The following CATSPERT variants were observed in gnomAD, a reference collection of about 807,000 sequenced individuals.
CATSPERT encodes the protein catsper channel auxiliary subunit tau.
the CATSPERT span, among the ~76,000 whole-genome samples, chr2:201,541,798 G>C: frequency 6.6e-6 from 1 of 151,850 alleles, no homozygotes; most frequent in Non-Finnish European, 1.5e-5. Context: ...GTTTCACCAT[G>C]TTGGCCAGGC....
chr2:201,551,757 T>A, the CATSPERT span, among the ~76,000 whole-genome samples: 2 of 151,842 alleles, frequency 1.3e-5, no homozygotes, highest in Non-Finnish European at 2.9e-5. Flanking sequence ...ATACAAAAAA[T>A]ATTAGCCGGG....
the CATSPERT span, among the ~76,000 whole-genome samples, chr2:201,573,427 C>T: frequency 6.6e-6 from 1 of 152,124 alleles, no homozygotes; most frequent in African/African-American, 2.4e-5. Flanking sequence ...AGATCAATTA[C>T]TCCATTTTGT....
the CATSPERT span, among the ~76,000 whole-genome samples, chr2:201,551,891 A>G: frequency 6.6e-6 from 1 of 151,550 alleles, no homozygotes; most frequent in African/African-American, 2.4e-5. Context: ...CTGGCCAACA[A>G]GAGGGAAACT....
the CATSPERT span, among the ~76,000 whole-genome samples, chr2:201,613,170 A>C: frequency 6.6e-6 from 1 of 152,246 alleles, no homozygotes; most frequent in African/African-American, 2.4e-5. Flanking sequence ...CTACAGACTT[A>C]AACATCCCTG....
At chr2:201,576,205 C>T in the CATSPERT span, among the ~76,000 whole-genome samples, 2 of 152,100 alleles carry the variant, frequency 1.3e-5, no homozygotes, top group African/African-American at 4.8e-5. Context: ...TTTTATATTT[C>T]GTAGGGCACT....
At chr2:201,551,392 C>A in the CATSPERT span, among the ~76,000 whole-genome samples, 1 of 152,058 alleles carries the variant, frequency 6.6e-6, no homozygotes, top group African/African-American at 2.4e-5. Context: ...TCTATTTTAT[C>A]ATTTACTACC....
At chr2:201,560,787 CTTT>C in the CATSPERT span, among the ~76,000 whole-genome samples, 1 of 145,020 alleles carries the variant, frequency 6.9e-6, no homozygotes. Flanking sequence ...TGAAATCTCT[CTTT>C]TTTTTTTTTT....
chr2:201,534,125 G>A, the CATSPERT span, among the ~76,000 whole-genome samples: 4 of 151,662 alleles, frequency 2.6e-5, no homozygotes, highest in African/African-American at 9.7e-5. Flanking sequence ...ACAGAAAGAA[G>A]GAAACAGACA....
At chr2:201,559,265 G>C in the CATSPERT span, among the ~76,000 whole-genome samples, 1 of 152,150 alleles carries the variant, frequency 6.6e-6, no homozygotes, top group African/African-American at 2.4e-5. Flanking sequence ...CCATGTCCAG[G>C]ACCTGAGAAA....
At chr2:201,535,724 C>T in the CATSPERT span, 1 of 1,330,858 alleles carries the variant, frequency 7.5e-7, no homozygotes, top group Non-Finnish European at 9.6e-7. Flanking sequence ...TACTTAGACA[C>T]ATTTCCACTT....
the CATSPERT span, chr2:201,603,376 C>G: frequency 2.1e-6 from 2 of 963,110 alleles, no homozygotes; most frequent in African/African-American, 3.4e-5. Context: ...TAAAACTCCA[C>G]GTTGTTGGTT....
At chr2:201,523,710 G>A in the CATSPERT span, among the ~76,000 whole-genome samples, 7 of 152,162 alleles carry the variant, frequency 4.6e-5, no homozygotes, top group Non-Finnish European at 8.8e-5. Flanking sequence ...CAAGATTCAG[G>A]AGAAAGTTGA....
At chr2:201,587,294 T>C in the CATSPERT span, among the ~76,000 whole-genome samples, 1 of 152,188 alleles carries the variant, frequency 6.6e-6, no homozygotes, top group African/African-American at 2.4e-5. Flanking sequence ...TTACCATTTC[T>C]AGTGCTCTTC....
chr2:201,493,552 A>G, the CATSPERT span: 4 of 1,536,942 alleles, frequency 2.6e-6, no homozygotes, highest in Non-Finnish European at 3.5e-6. Flanking sequence ...AAATGCTTGT[A>G]TTATCTGGCT....
At chr2:201,561,669 C>T in the CATSPERT span, among the ~76,000 whole-genome samples, 4 of 152,100 alleles carry the variant, frequency 2.6e-5, no homozygotes, top group Non-Finnish European at 5.9e-5. Flanking sequence ...GTCAGAAGTT[C>T]GAGACCAGCC....
chr2:201,592,602 A>G, the CATSPERT span, among the ~76,000 whole-genome samples: 5 of 150,820 alleles, frequency 3.3e-5, no homozygotes, highest in Non-Finnish European at 7.4e-5. Flanking sequence ...CTGTGAATCC[A>G]TCTGGTCCTG....
the CATSPERT span, among the ~76,000 whole-genome samples, chr2:201,516,946 T>TC: frequency 7.8e-6 from 1 of 128,698 alleles, no homozygotes. Flanking sequence ...TTTTTTTTTT[T>TC]CTATTTCACC....
At chr2:201,559,510 C>T in the CATSPERT span, among the ~76,000 whole-genome samples, 1 of 152,196 alleles carries the variant, frequency 6.6e-6, no homozygotes, top group Non-Finnish European at 1.5e-5. Context: ...GAAACAGCCC[C>T]ACAAGTTGCT....
chr2:201,560,423 A>AAAT, the CATSPERT span, among the ~76,000 whole-genome samples: 1,894 of 126,388 alleles, frequency 0.015, 13 homozygotes, highest in African/African-American at 0.023. Context: ...ACTCTGTCTC[A>AAAT]AATAATAATA....
Sources: allele counts gnomAD v4.1 joint callset (sites outside exome capture counted in the v4.1 genomes callset), GRCh38; gene constraint gnomAD v4.1.1; transcripts MANE v1.5; gene names NCBI Gene and HGNC (gene_info 2026-07-23, HGNC 2026-07-21).